DPP10: variants seen among roughly 807,000 people sequenced by gnomAD.
The protein encoded by DPP10 is inactive dipeptidyl peptidase 10.
Under a neutral mutation model 120.9 loss-of-function variants are expected in DPP10, and 33 were observed. The observed-to-expected ratio is 0.27, with a 90% CI of 0.21 to 0.37. DPP10 has a LOEUF of 0.37. DPP10 is among the 10% of genes least tolerant of loss of function. The pLI is 1.00. For synonymous variants in DPP10, 337 were observed against 326.1 expected (o/e 1.03, Z -0.36); for missense variants, 816 against 942.8 (o/e 0.87, Z 1.76).
chr2:115,764,170 C>T lies in DPP10; in HGVS notation c.1113+1560C>T, dbSNP rs573978137. ...TACAAGGACATGAGGATGTTTTTTA[C>T]TTCTAATTGTAAACCAAACGCCTAG... On this transcript the variant is annotated intron_variant, in intron 12 of 25. Transcript: ENST00000410059. Among the ~76,000 whole-genome samples, 88 of 151,404 alleles carry T rather than the reference C, an allele frequency of 5.8e-4. 1 individual carries two copies. Among genetic ancestry groups the T allele is most frequent in the Middle Eastern group, 3.5e-3 (1 of 288 alleles).
intron 1 of DPP10, among the ~76,000 whole-genome samples, chr2:114,777,398 T>C (rs1681854404): frequency 6.6e-6 from 1 of 150,770 alleles, no homozygotes; most frequent in Non-Finnish European, 1.5e-5. Flanking sequence ...GAAGAGGGTT[T>C]TCAGGGCCCT....
chr2:115,697,752 G>C (rs998880941), intron 7 of DPP10, among the ~76,000 whole-genome samples: 3 of 152,050 alleles, frequency 2.0e-5, no homozygotes, highest in Non-Finnish European at 4.4e-5. Flanking sequence ...TTAGGAGGCT[G>C]AGGCGGGCGG....
chr2:114,559,107 A>C (rs1324639289), intron 1 of DPP10, among the ~76,000 whole-genome samples: 1 of 152,212 alleles, frequency 6.6e-6, no homozygotes, highest in African/African-American at 2.4e-5. Flanking sequence ...TGTGGTGGGC[A>C]GAATAATGCC....
intron 1 of DPP10, among the ~76,000 whole-genome samples, chr2:114,758,832 T>A (rs74963276): frequency 0.024 from 3,641 of 152,200 alleles, 169 homozygotes; most frequent in African/African-American, 0.084. Flanking sequence ...ACAAAAAGGG[T>A]CAGAAAATAA....
At chr2:114,443,073 C>G (rs10168518) in intron 1 of DPP10, among the ~76,000 whole-genome samples, 1 of 151,044 alleles carries the variant, frequency 6.6e-6, no homozygotes, top group African/African-American at 2.4e-5. Flanking sequence ...TACTGAGAAT[C>G]TATCAGAGGT....
intron 1 of DPP10, among the ~76,000 whole-genome samples, chr2:115,110,336 A>G (rs182837681): frequency 2.5e-4 from 38 of 152,312 alleles, no homozygotes; most frequent in Admixed American, 1.3e-3. Flanking sequence ...TAGTTTTCTT[A>G]TCTGTCAAAA....
intron 1 of DPP10, among the ~76,000 whole-genome samples, chr2:115,260,439 G>A (rs1044516463): frequency 1.3e-5 from 2 of 152,150 alleles, no homozygotes; most frequent in Non-Finnish European, 2.9e-5. Context: ...TTGGAGGTCA[G>A]ACGTTCAACT....
At chr2:114,624,097 G>C (rs923350040) in intron 1 of DPP10, among the ~76,000 whole-genome samples, 3 of 151,940 alleles carry the variant, frequency 2.0e-5, no homozygotes, top group African/African-American at 7.2e-5. Context: ...TCTGTGAATA[G>C]GTATATTCAC....
chr2:115,528,886 T>C (rs916161702), intron 5 of DPP10, among the ~76,000 whole-genome samples: 31 of 152,182 alleles, frequency 2.0e-4, no homozygotes, highest in African/African-American at 7.5e-4. Context: ...TTTTTTGTTT[T>C]ATGGGACAAC....
At chr2:115,294,982 A>G (rs1245282066) in intron 1 of DPP10, among the ~76,000 whole-genome samples, 1 of 152,098 alleles carries the variant, frequency 6.6e-6, no homozygotes, top group Non-Finnish European at 1.5e-5. Flanking sequence ...TATTTTTAAA[A>G]AGCAAAACAA....
intron 5 of DPP10, among the ~76,000 whole-genome samples, chr2:115,531,461 A>G (rs1469840250): frequency 6.6e-6 from 1 of 152,016 alleles, no homozygotes; most frequent in Non-Finnish European, 1.5e-5. Flanking sequence ...GCAATGATCT[A>G]CCCTGTTTTT....
chr2:115,336,714 G>A (rs1199522421), intron 2 of DPP10, among the ~76,000 whole-genome samples: 2 of 151,574 alleles, frequency 1.3e-5, no homozygotes, highest in East Asian at 3.9e-4. Flanking sequence ...TTAAATTTTA[G>A]CAATATTTTC....
chr2:115,375,898 C>T (rs1039175754), intron 3 of DPP10, among the ~76,000 whole-genome samples: 1 of 152,170 alleles, frequency 6.6e-6, no homozygotes, highest in African/African-American at 2.4e-5. Context: ...CCCATCAGAC[C>T]CATTCCCCAA....
At chr2:114,789,385 A>G (rs968264849) in intron 1 of DPP10, among the ~76,000 whole-genome samples, 32 of 152,194 alleles carry the variant, frequency 2.1e-4, no homozygotes, top group African/African-American at 7.2e-4. Flanking sequence ...GTTTAGTCCC[A>G]TGAACTCATT....
chr2:114,891,300 T>C (rs1266013913), intron 1 of DPP10, among the ~76,000 whole-genome samples: 1 of 152,092 alleles, frequency 6.6e-6, no homozygotes, highest in Non-Finnish European at 1.5e-5. Context: ...CACCGTGGGG[T>C]CACAGAATAA....
rs1682689318 is a variant in DPP10, at chr2:115,780,934, A to G, written c.1422A>G (p.Gln474=). 1.9e-6 allele frequency: 3 copies of G among 1,605,390 alleles called. No individual in the cohort carries two copies. The highest frequency in any genetic ancestry group is 2.6e-6 in the Non-Finnish European group (3 of 1,174,164). ...QCISCNFMKE[Q]CTYFDASFSP... is the part of the protein sequence containing the mutation. ...TTTCATGTAATTTCATGAAAGAACA[A>G]TGTACATATTTTGATGCCAGTTTTA... Residue 474 remains glutamine, a synonymous_variant, in exon 16 of 26, where the codon CAA becomes CAG. Coordinates refer to ENST00000410059, the MANE Select transcript of DPP10 (RefSeq NM_020868.6).
intron 1 of DPP10, among the ~76,000 whole-genome samples, chr2:115,004,967 T>C (rs1235698066): frequency 1.6e-4 from 25 of 152,174 alleles, no homozygotes; most frequent in Admixed American, 1.6e-3. Context: ...TAAATGTCCC[T>C]GTCTGACAGC....
intron 1 of DPP10, among the ~76,000 whole-genome samples, chr2:114,567,363 G>A (rs1371853065): frequency 6.6e-6 from 1 of 152,120 alleles, no homozygotes; most frequent in Non-Finnish European, 1.5e-5. Flanking sequence ...TTGGAGATTA[G>A]AATATGGGGA....
intron 1 of DPP10, among the ~76,000 whole-genome samples, chr2:114,477,601 C>T (rs191291968): frequency 3.5e-4 from 53 of 151,292 alleles, no homozygotes; most frequent in African/African-American, 1.2e-3. Context: ...GCCTGGCCAA[C>T]ATGGTGAAAC....
Sources: allele counts gnomAD v4.1 joint callset (sites outside exome capture counted in the v4.1 genomes callset), GRCh38; gene constraint gnomAD v4.1.1; transcripts MANE v1.5; gene names NCBI Gene and HGNC (gene_info 2026-07-23, HGNC 2026-07-21).